The following LIPJ variants were observed in gnomAD, a reference collection of about 807,000 sequenced individuals.
The protein encoded by LIPJ is lipase member J.
LIPJ carries 33 observed loss-of-function variants against 39.8 expected under a neutral mutation model. That is an observed-to-expected ratio of 0.83 (90% CI 0.63 to 1.11). The LOEUF (loss-of-function observed/expected upper bound fraction) is 1.11. Among genes scored for constraint, LIPJ ranks in the 50% least tolerant of loss-of-function variants. LIPJ has a pLI of 0.00. For synonymous variants in LIPJ, 128 were observed against 139.2 expected, an observed-to-expected ratio of 0.92 and a Z score of 0.57; for missense variants, 422 against 427.9, an observed-to-expected ratio of 0.99 and a Z score of 0.12.
upstream of LIPJ, chr10:88,583,285 T>G (rs998363367): frequency 6.4e-7 from 1 of 1,551,742 alleles, no homozygotes; most frequent in African/African-American, 1.4e-5. Context: ...CTAGCGCTCT[T>G]TGGTTCCGTG....
In LIPJ at chr10:88,606,524, C is replaced by A. The variant is rs192893362; in HGVS notation, c.868-150C>A. 9.7e-4 allele frequency: 511 copies of A among 527,480 alleles called. 3 individuals carry two copies. The highest frequency in any genetic ancestry group is 5.9e-4 in the Non-Finnish European group (176 of 297,942). The allele number at this position is 527,480 out of a possible 1,614,324, so 32.7% of individuals were successfully genotyped here. Reference sequence around the variant, plus strand: ...TGTAATCCCTATTCATACTTTCATACCTTTGTCTCAACAGATCCAGTAAGT... The same window carrying A: ...TGTAATCCCTATTCATACTTTCATAACTTTGTCTCAACAGATCCAGTAAGT... On this transcript the variant is annotated intron_variant, in intron 10 of 10. Coordinates refer to ENST00000371939, the Ensembl canonical transcript of LIPJ.
upstream of LIPJ, chr10:88,584,337 T>C (rs1288939758): frequency 6.6e-6 from 1 of 152,174 alleles, no homozygotes; most frequent in Admixed American, 6.5e-5. Context: ...TACATAATCA[T>C]TTACAACTTG....
upstream of LIPJ, chr10:88,583,443 G>C: frequency 7.5e-7 from 1 of 1,334,364 alleles, no homozygotes; most frequent in Non-Finnish European, 9.6e-7. Flanking sequence ...CTCGCTTTGG[G>C]GGCCGGGCGC....
intron 8 of LIPJ, among the ~76,000 whole-genome samples, chr10:88,601,376 A>C (rs1851471050): frequency 6.6e-6 from 1 of 152,116 alleles, no homozygotes; most frequent in Admixed American, 6.5e-5. Flanking sequence ...GTTTTGGCTC[A>C]TTTAGCTAAT....
At chr10:88,583,800 T>C (rs765083726), upstream of LIPJ, 47 of 775,862 alleles carry the variant, frequency 6.1e-5, no homozygotes, top group Non-Finnish European at 6.6e-5. Context: ...AACAATAACG[T>C]ATACCTTTCA....
chr10:88,606,987 T>A, downstream of LIPJ: 1 of 1,338,896 alleles, frequency 7.5e-7, no homozygotes. Flanking sequence ...CCTGTGTATG[T>A]TCTTTCATTT....
At chr10:88,596,618 A>G (rs1398296172) in intron 7 of LIPJ, among the ~76,000 whole-genome samples, 172 bp from the exon 8 acceptor site, 2 of 151,686 alleles carry the variant, frequency 1.3e-5, no homozygotes, top group Non-Finnish European at 3.0e-5. Flanking sequence ...GTGAGAAGAA[A>G]TTCAGTGGCC....
At chr10:88,601,413 G>C (rs1391046139) in intron 8 of LIPJ, among the ~76,000 whole-genome samples, 9 of 151,702 alleles carry the variant, frequency 5.9e-5, no homozygotes, top group African/African-American at 2.2e-4. Context: ...TTGACTTTAG[G>C]GTTGGCCTTA....
At chr10:88,613,800 A>ATATATATATATATATATATATATG in the LIPJ span, among the ~76,000 whole-genome samples, 16 of 74,154 alleles carry the variant, frequency 2.2e-4, no homozygotes, top group South Asian at 4.8e-4. Context: ...ATATATATAT[A>ATATATATATATATATATATATATG]TGTGTGTGTG....
chr10:88,595,000 TTTTG>T (rs1384390400), intron 6 of LIPJ, among the ~76,000 whole-genome samples: 1 of 151,772 alleles, frequency 6.6e-6, no homozygotes, highest in African/African-American at 2.4e-5. Flanking sequence ...TTGGTTGTGG[TTTTG>T]TTTGTTTCAA....
intron 9 of LIPJ, among the ~76,000 whole-genome samples, chr10:88,603,068 G>A (rs1470777599): frequency 6.6e-6 from 1 of 151,908 alleles, no homozygotes; most frequent in Non-Finnish European, 1.5e-5. Flanking sequence ...CTCCAGCCTG[G>A]GTGACAGAGT....
intron 9 of LIPJ, among the ~76,000 whole-genome samples, chr10:88,604,281 C>T (rs1851590301): frequency 6.6e-6 from 1 of 152,150 alleles, no homozygotes; most frequent in Non-Finnish European, 1.5e-5. Context: ...AGACAGGGAT[C>T]TGCATGTCAT....
downstream of LIPJ, among the ~76,000 whole-genome samples, chr10:88,607,928 T>C (rs1851704882): frequency 6.6e-6 from 1 of 152,216 alleles, no homozygotes; most frequent in South Asian, 2.1e-4. Flanking sequence ...ACTTAACATA[T>C]TTTTGTAAGT....
chr10:88,601,797 T>A (rs530709584), intron 8 of LIPJ, among the ~76,000 whole-genome samples: 1 of 152,358 alleles, frequency 6.6e-6, no homozygotes, highest in East Asian at 1.9e-4. Flanking sequence ...TCTCTTCATA[T>A]ACTTGCTTTT....
upstream of LIPJ, among the ~76,000 whole-genome samples, chr10:88,584,733 G>A (rs1850849441): frequency 1.3e-5 from 2 of 152,174 alleles, no homozygotes; most frequent in African/African-American, 4.8e-5. Flanking sequence ...GAGTAGCTGG[G>A]ACTACAGGTG....
At chr10:88,609,978 T>C (rs755448513), downstream of LIPJ, among the ~76,000 whole-genome samples, 2 of 151,880 alleles carry the variant, frequency 1.3e-5, no homozygotes, top group Non-Finnish European at 2.9e-5. Flanking sequence ...CATCTACTTA[T>C]TGGGGAAGTA....
exon 6 of LIPJ, chr10:88,594,671 G>T: frequency 6.7e-7 from 1 of 1,493,360 alleles, no homozygotes; most frequent in Admixed American, 2.2e-5. Flanking sequence ...TTGTAGTTTT[G>T]ATGAGATGGC....
downstream of LIPJ, among the ~76,000 whole-genome samples, chr10:88,608,766 C>T: frequency 6.6e-6 from 1 of 152,056 alleles, no homozygotes; most frequent in Non-Finnish European, 1.5e-5. Flanking sequence ...AAATAGGGTC[C>T]AAAGGCAGGG....
chr10:88,616,278 C>T, the LIPJ span, among the ~76,000 whole-genome samples: 12 of 152,154 alleles, frequency 7.9e-5, no homozygotes, highest in Non-Finnish European at 1.3e-4. Context: ...AGTGACCCCG[C>T]GGGGAAAGCC....
Sources: gnomAD v4.1 joint callset for allele counts (sites outside exome capture counted in the v4.1 genomes callset) on GRCh38, gnomAD v4.1.1 for gene constraint, MANE v1.5 for transcripts, NCBI Gene and HGNC (gene_info 2026-07-23, HGNC 2026-07-21) for gene names.